Variants in ZC4H2 observed in about 807,000 individuals in gnomAD.
ZC4H2 encodes zinc finger C4H2-type containing.
For synonymous variants in ZC4H2, 84 were observed against 66.3 expected, an observed-to-expected ratio of 1.27 and a Z score of -1.30; for missense variants, 137 against 173.9, an observed-to-expected ratio of 0.79 and a Z score of 1.19.
chrX:64,947,417 G>A (rs1930587807), intron 1 of ZC4H2, among the ~76,000 whole-genome samples: 1 of 111,956 alleles, frequency 8.9e-6, no homozygotes, highest in Non-Finnish European at 1.9e-5. Flanking sequence ...TGTTGATAGA[G>A]GTATGTTGAA....
intron 1 of ZC4H2, among the ~76,000 whole-genome samples, chrX:64,992,355 C>T (rs1319099674): frequency 4.5e-5 from 5 of 111,425 alleles, no homozygotes; most frequent in Non-Finnish European, 9.4e-5. Context: ...GTCAGCTACA[C>T]GTCTGCTAAG....
intron 1 of ZC4H2, among the ~76,000 whole-genome samples, chrX:64,965,664 G>A (rs904175497): frequency 9.0e-6 from 1 of 110,979 alleles, no homozygotes; most frequent in Non-Finnish European, 1.9e-5. Context: ...GGCTCAGTGC[G>A]GTGTCTCACA....
At chrX:64,987,447 C>T (rs1932210620) in intron 1 of ZC4H2, among the ~76,000 whole-genome samples, 1 of 103,995 alleles carries the variant, frequency 9.6e-6, no homozygotes, top group Non-Finnish European at 1.9e-5. Flanking sequence ...CACATATATG[C>T]CAAACTGGTT....
At chrX:64,931,716 T>C (rs1929754558) in intron 1 of ZC4H2, among the ~76,000 whole-genome samples, 1 of 111,817 alleles carries the variant, frequency 8.9e-6, no homozygotes, top group South Asian at 3.6e-4. Flanking sequence ...TCTGAGAAAA[T>C]GCTTGATATA....
chrX:64,958,154 C>A (rs1012877510), intron 1 of ZC4H2, among the ~76,000 whole-genome samples: 10 of 112,072 alleles, frequency 8.9e-5, no homozygotes, highest in Admixed American at 8.5e-4. Flanking sequence ...CATTTGTTAT[C>A]ATTTTCAAGT....
At chrX:64,968,266 G>C (rs966590726) in intron 1 of ZC4H2, among the ~76,000 whole-genome samples, 8 of 111,853 alleles carry the variant, frequency 7.2e-5, no homozygotes, top group Admixed American at 2.8e-4. Context: ...TTGAGGCTGA[G>C]AGAAGTAAAG....
chrX:64,981,742 T>C (rs753940256), intron 1 of ZC4H2, among the ~76,000 whole-genome samples: 142 of 111,075 alleles, frequency 1.3e-3, no homozygotes, highest in Non-Finnish European at 2.3e-3. Context: ...CTTCACACTC[T>C]CTCAGAAAAT....
chrX:64,918,000 T>A (rs760657448), intron 4 of ZC4H2, 104 bp from the exon 5 acceptor site: 495 of 957,706 alleles, frequency 5.2e-4, no homozygotes, highest in Non-Finnish European at 6.7e-4. Context: ...TGATTTCCCA[T>A]CAGAAGAGAG....
intron 1 of ZC4H2, among the ~76,000 whole-genome samples, chrX:65,026,541 C>T (rs971148766): frequency 9.1e-6 from 1 of 110,019 alleles, no homozygotes; most frequent in Non-Finnish European, 1.9e-5. Context: ...AACCCTGTCT[C>T]TAATAAAAAT....
chrX:64,919,304 C>T, intron 3 of ZC4H2, 100 bp from the exon 4 acceptor site: 1 of 1,009,511 alleles, frequency 9.9e-7, no homozygotes, highest in Non-Finnish European at 1.4e-6. Flanking sequence ...TGAGCTGTGG[C>T]TCATTCTAGA....
At chrX:64,975,340 T>A (rs1180611927) in intron 1 of ZC4H2, among the ~76,000 whole-genome samples, 1 of 111,508 alleles carries the variant, frequency 9.0e-6, no homozygotes, top group Admixed American at 9.5e-5. Flanking sequence ...CCACCACTAA[T>A]CACCATGTGT....
Position 64,976,438 on chromosome X carries a change from A to C in ZC4H2, c.-61T>G. 8.8e-7 allele frequency: 1 copy of C among 1,130,316 alleles called. No homozygotes were observed. The highest frequency in any genetic ancestry group is 1.2e-6 in the Non-Finnish European group (1 of 821,923). 93.2% of individuals were successfully genotyped at this position (1,130,316 alleles called of 1,213,427 possible). Reference sequence around the variant, plus strand: ...ACAAATACACCAGCCAAGGGATACAATAGACACAATGTAGCCACCTCCTCC... The same window carrying C: ...ACAAATACACCAGCCAAGGGATACACTAGACACAATGTAGCCACCTCCTCC... On this transcript the variant is annotated 5_prime_UTR_variant, in exon 1 of 5. Coordinates refer to ENST00000374839, the MANE Select transcript of ZC4H2 (RefSeq NM_018684.4).
chrX:64,995,942 C>T (rs1441667207), intron 1 of ZC4H2, among the ~76,000 whole-genome samples: 1 of 111,832 alleles, frequency 8.9e-6, no homozygotes, highest in Non-Finnish European at 1.9e-5. Flanking sequence ...AAATATGCAA[C>T]AGGTCTGGGA....
chrX:65,016,578 C>G (rs977410039), intron 1 of ZC4H2, among the ~76,000 whole-genome samples: 1 of 111,541 alleles, frequency 9.0e-6, no homozygotes, highest in Non-Finnish European at 1.9e-5. Flanking sequence ...GAAGATGAAT[C>G]GTATTGGGAA....
chrX:64,919,101 C>T lies in ZC4H2; in HGVS notation c.502G>A (p.Ala168Thr), dbSNP rs369918702. 82 of 1,197,521 alleles carry T rather than the reference C, an allele frequency of 6.8e-5. No individual in the cohort carries two copies. Among genetic ancestry groups the T allele is most frequent in the Admixed American group, 2.0e-4 (9 of 44,660 alleles). Residue 168 changes from alanine to threonine, a missense_variant, in exon 4 of 5, where the codon GCT (alanine) becomes ACT (threonine). Transcript: ENST00000374839. ...AAAAAQQLQV[A>T]RKQDTRQTAT... ...GTCTGCCGAGTATCCTGCTTCCTAG[C>T]CACTTGGAGCTGTTGGGCGGCAGCG...
At chrX:64,929,360 T>A (rs1929633869) in intron 1 of ZC4H2, among the ~76,000 whole-genome samples, 1 of 111,907 alleles carries the variant, frequency 8.9e-6, no homozygotes, top group African/African-American at 3.2e-5. Flanking sequence ...TACAGAAGAT[T>A]TTTAGTTTAA....
At chrX:64,918,061 A>G in intron 4 of ZC4H2, 165 bp from the exon 5 acceptor site, 2 of 567,008 alleles carry the variant, frequency 3.5e-6, no homozygotes, top group Non-Finnish European at 5.4e-6. Context: ...GGAAGATGGG[A>G]AGGAAGGACA....
intron 1 of ZC4H2, among the ~76,000 whole-genome samples, chrX:64,983,415 C>A (rs1932120299): frequency 9.0e-6 from 1 of 111,592 alleles, no homozygotes; most frequent in South Asian, 3.8e-4. Flanking sequence ...GCTCCCCTAC[C>A]AGACAGGTTC....
At chrX:64,920,753 G>T (rs1318313597) in intron 2 of ZC4H2, among the ~76,000 whole-genome samples, 1 of 112,188 alleles carries the variant, frequency 8.9e-6, no homozygotes, top group Non-Finnish European at 1.9e-5. Context: ...TCAAAATGTG[G>T]CCAAGGGATC....
Sources: gnomAD v4.1 joint callset for allele counts (sites outside exome capture counted in the v4.1 genomes callset) on GRCh38, gnomAD v4.1.1 for gene constraint, MANE v1.5 for transcripts, NCBI Gene and HGNC (gene_info 2026-07-23, HGNC 2026-07-21) for gene names.